NRXN3: variants seen among roughly 807,000 people sequenced by gnomAD.
The protein encoded by NRXN3 is neurexin III.
A neutral mutation model predicts 137.6 loss-of-function variants in NRXN3; 32 were observed. The ratio of observed to expected loss-of-function variants is 0.23; its 90% CI spans 0.18 to 0.31. The LOEUF (loss-of-function observed/expected upper bound fraction) is 0.31, where lower values mean the gene tolerates loss of function less well. NRXN3 is among the 10% of genes least tolerant of loss of function. NRXN3 has a pLI of 1.00. For synonymous variants in NRXN3, 798 were observed against 784.5 expected, an observed-to-expected ratio of 1.02 and a Z score of -0.29; for missense variants, 1,574 against 2,062.5, an observed-to-expected ratio of 0.76 and a Z score of 4.59.
chr14:78,346,708 C>A (rs1354538546), intron 4 of NRXN3, among the ~76,000 whole-genome samples: 1 of 152,128 alleles, frequency 6.6e-6, no homozygotes, highest in African/African-American at 2.4e-5. Context: ...ATAACTCTGC[C>A]CAAACCACCT....
chr14:78,802,517 A>G (rs12893286), intron 8 of NRXN3, among the ~76,000 whole-genome samples: 111,173 of 152,130 alleles, frequency 0.73, 44,892 homozygotes, highest in Non-Finnish European at 0.91. Flanking sequence ...CATGTACCCT[A>G]AAACTTAAAG....
intron 15 of NRXN3, among the ~76,000 whole-genome samples, chr14:79,250,803 G>A (rs2075816918): frequency 6.6e-6 from 1 of 152,214 alleles, no homozygotes; most frequent in Admixed American, 6.5e-5. Flanking sequence ...ATTTCATGCA[G>A]TGGTGGCATT....
intron 8 of NRXN3, among the ~76,000 whole-genome samples, chr14:78,747,363 C>T (rs1260274954): frequency 6.6e-6 from 1 of 152,164 alleles, no homozygotes; most frequent in African/African-American, 2.4e-5. Flanking sequence ...TTGTTAGTTC[C>T]TTTGCCCTTC....
chr14:78,201,376 C>T (rs562029666), intron 1 of NRXN3, among the ~76,000 whole-genome samples: 55 of 152,322 alleles, frequency 3.6e-4, no homozygotes, highest in African/African-American at 1.2e-3. Context: ...TCCATCTGGC[C>T]GCTCTGGGGC....
chr14:79,296,272 G>A (rs980105570), intron 15 of NRXN3, among the ~76,000 whole-genome samples: 10 of 152,204 alleles, frequency 6.6e-5, no homozygotes, highest in Admixed American at 1.3e-4. Context: ...TTTAATGCAC[G>A]TTGTAGTGTG....
At chr14:79,589,861 A>C (rs1356586723) in intron 16 of NRXN3, among the ~76,000 whole-genome samples, 4 of 152,220 alleles carry the variant, frequency 2.6e-5, no homozygotes, top group Admixed American at 6.5e-5. Flanking sequence ...CCATTGCATA[A>C]AACTGTAATA....
At chr14:78,338,025 G>A (rs2081675676) in intron 4 of NRXN3, among the ~76,000 whole-genome samples, 1 of 152,130 alleles carries the variant, frequency 6.6e-6, no homozygotes, top group African/African-American at 2.4e-5. Context: ...TGGGGTGTGA[G>A]TATTGTGTAT....
At chr14:79,707,465 A>T (rs2098785104) in intron 19 of NRXN3, among the ~76,000 whole-genome samples, 1 of 151,846 alleles carries the variant, frequency 6.6e-6, no homozygotes, top group African/African-American at 2.4e-5. Flanking sequence ...TTCTAGCTGT[A>T]GAATTTTGGC....
intron 15 of NRXN3, among the ~76,000 whole-genome samples, chr14:79,441,632 G>A (rs538961975): frequency 2.6e-5 from 4 of 151,664 alleles, no homozygotes; most frequent in South Asian, 2.1e-4. Flanking sequence ...TGCCCGCCGC[G>A]GCCTCCCAAA....
intron 2 of NRXN3, among the ~76,000 whole-genome samples, chr14:78,278,219 C>G (rs1307515976): frequency 6.6e-6 from 1 of 152,126 alleles, no homozygotes; most frequent in Non-Finnish European, 1.5e-5. Flanking sequence ...TGCTGGGAAA[C>G]CTTGCTTGAC....
chr14:79,830,831 A>G (rs1319570069), intron 20 of NRXN3, among the ~76,000 whole-genome samples: 1 of 151,040 alleles, frequency 6.6e-6, no homozygotes, highest in Non-Finnish European at 1.5e-5. Flanking sequence ...TCGGTAAACT[A>G]TTCAGGTGAC....
At chr14:79,692,104 C>T in intron 17 of NRXN3, 69 bp from the exon 18 acceptor site, 1 of 1,213,928 alleles carries the variant, frequency 8.2e-7, no homozygotes, top group Non-Finnish European at 1.2e-6. Context: ...AACCAAAAAA[C>T]CTAGGATGTT....
At chr14:79,014,654 T>C (rs933371996) in intron 15 of NRXN3, among the ~76,000 whole-genome samples, 1 of 152,168 alleles carries the variant, frequency 6.6e-6, no homozygotes, top group Non-Finnish European at 1.5e-5. Context: ...AGTAATTCTG[T>C]TTTAAGTTCT....
At chr14:78,725,792 A>G (rs890093856) in intron 8 of NRXN3, among the ~76,000 whole-genome samples, 2 of 152,240 alleles carry the variant, frequency 1.3e-5, no homozygotes, top group East Asian at 1.9e-4. Flanking sequence ...ATACCCCTGG[A>G]CAAAATTCCT....
intron 15 of NRXN3, among the ~76,000 whole-genome samples, chr14:79,288,500 T>G (rs1411673215): frequency 6.6e-6 from 1 of 152,222 alleles, no homozygotes; most frequent in Non-Finnish European, 1.5e-5. Flanking sequence ...GTGACTTCAT[T>G]TAATCCTCAC....
chr14:79,592,050 T>C (rs565175808), intron 16 of NRXN3, among the ~76,000 whole-genome samples: 1 of 152,322 alleles, frequency 6.6e-6, no homozygotes, highest in Non-Finnish European at 1.5e-5. Context: ...TTTTCACCTT[T>C]TCAGTACCCT....
chr14:79,710,431 G>T (rs17109793), intron 19 of NRXN3, among the ~76,000 whole-genome samples: 2 of 151,966 alleles, frequency 1.3e-5, no homozygotes, highest in Non-Finnish European at 2.9e-5. Context: ...TCAAAGAAAG[G>T]GTGACTGCTA....
chr14:79,230,848 T>C (rs2072050006), intron 15 of NRXN3, among the ~76,000 whole-genome samples: 1 of 152,088 alleles, frequency 6.6e-6, no homozygotes, highest in Non-Finnish European at 1.5e-5. Context: ...TGCTATTCAA[T>C]ACTTCTGAGT....
At chr14:79,491,019 C>G (rs754330473) in intron 16 of NRXN3, among the ~76,000 whole-genome samples, 16 of 152,046 alleles carry the variant, frequency 1.1e-4, no homozygotes, top group Non-Finnish European at 8.8e-5. Context: ...CAAAAAATAA[C>G]TATTACTTCT....
Sources: gnomAD v4.1 joint callset for allele counts (sites outside exome capture counted in the v4.1 genomes callset) on GRCh38, gnomAD v4.1.1 for gene constraint, MANE v1.5 for transcripts, NCBI Gene and HGNC (gene_info 2026-07-23, HGNC 2026-07-21) for gene names.